CTNNA2: variants seen among roughly 807,000 people sequenced by gnomAD.
CTNNA2 encodes catenin alpha-2.
A neutral mutation model predicts 101.0 loss-of-function variants in CTNNA2; 42 were observed. That is an observed-to-expected ratio of 0.42 (90% CI 0.32 to 0.54). The LOEUF is 0.54. Among genes scored for constraint, CTNNA2 ranks in the 20% least tolerant of loss-of-function variants. The pLI, the probability that CTNNA2 is intolerant of heterozygous loss-of-function variation, is 0.14. For synonymous variants in CTNNA2, 450 were observed against 456.4 expected (o/e 0.99, Z 0.18); for missense variants, 871 against 1,223.1 (o/e 0.71, Z 4.29).
At chr2:80,073,019 GAATC>G (rs749662223) in intron 7 of CTNNA2, among the ~76,000 whole-genome samples, 5 of 152,120 alleles carry the variant, frequency 3.3e-5, no homozygotes, top group Admixed American at 6.5e-5. Context: ...TTTCATATTT[GAATC>G]AATCAAAGTG....
chr2:79,694,896 C>T (rs1684551340), intron 2 of CTNNA2, among the ~76,000 whole-genome samples: 1 of 151,798 alleles, frequency 6.6e-6, no homozygotes, highest in African/African-American at 2.4e-5. Context: ...GTGAATTCTT[C>T]GGTGATTCAT....
chr2:79,417,286 T>A (rs1456637091), intron 4 of CTNNA2, among the ~76,000 whole-genome samples: 1 of 152,126 alleles, frequency 6.6e-6, no homozygotes, highest in African/African-American at 2.4e-5. Context: ...GAAGTTCTCA[T>A]CTCAGCCCAG....
At chr2:79,249,080 G>A (rs754241927) in intron 2 of CTNNA2, among the ~76,000 whole-genome samples, 3 of 152,140 alleles carry the variant, frequency 2.0e-5, no homozygotes, top group Non-Finnish European at 4.4e-5. Flanking sequence ...AATTAGCTGT[G>A]AATCCTTGGA....
intron 15 of CTNNA2, among the ~76,000 whole-genome samples, chr2:80,600,861 C>A (rs1697432995): frequency 6.6e-6 from 1 of 152,086 alleles, no homozygotes. Context: ...GTGTGAGGCA[C>A]CTGTCAGTAT....
chr2:80,037,943 G>T (rs116168555), intron 7 of CTNNA2, among the ~76,000 whole-genome samples: 1 of 152,092 alleles, frequency 6.6e-6, no homozygotes, highest in Non-Finnish European at 1.5e-5. Context: ...TATAGTAAAT[G>T]TTCATTAAAT....
intron 8 of CTNNA2, among the ~76,000 whole-genome samples, chr2:80,418,263 G>A (rs1284956653): frequency 6.6e-6 from 1 of 152,158 alleles, no homozygotes; most frequent in African/African-American, 2.4e-5. Context: ...TGAAGAACTA[G>A]TATAAGAATC....
Position 79,229,747 on chromosome 2 carries a change from A to G in CTNNA2, c.-406+31671A>G, listed in dbSNP as rs542888766. On this transcript the variant is annotated intron_variant, in intron 2 of 21. Coordinates refer to the CTNNA2 transcript ENST00000466387. The stretch of plus-strand genomic sequence containing the variant: ...TATGGGAAAGTTTGGAATTTCCTAG[A>G]GACTTGTTGAATGGCTTTGCCCAAA... Among the ~76,000 whole-genome samples the G allele has an allele frequency of 3.9e-5, 6 of 152,346 alleles. No individual in the cohort carries two copies. In the South Asian group the frequency reaches 1.0e-3, roughly 26 times the overall value.
intron 3 of CTNNA2, among the ~76,000 whole-genome samples, chr2:79,817,194 A>G (rs896814405): frequency 6.6e-6 from 1 of 150,924 alleles, no homozygotes; most frequent in African/African-American, 2.4e-5. Context: ...CCCTACCACA[A>G]CCTCACAACA....
chr2:79,958,321 C>A (rs959435865), intron 7 of CTNNA2, among the ~76,000 whole-genome samples: 2 of 151,386 alleles, frequency 1.3e-5, no homozygotes, highest in Non-Finnish European at 2.9e-5. Flanking sequence ...GAGTATGTTA[C>A]AGAAATCTTC....
At chr2:79,557,279 T>C (rs543902223) in intron 1 of CTNNA2, among the ~76,000 whole-genome samples, 1 of 152,106 alleles carries the variant, frequency 6.6e-6, no homozygotes, top group African/African-American at 2.4e-5. Flanking sequence ...CTCTTAATTC[T>C]GATGTATGCA....
intron 3 of CTNNA2, among the ~76,000 whole-genome samples, chr2:79,854,323 A>G (rs537371743): frequency 6.6e-6 from 1 of 152,354 alleles, no homozygotes; most frequent in African/African-American, 2.4e-5. Flanking sequence ...TTAATGAATA[A>G]TGATCACCCG....
chr2:80,187,796 C>A (rs1706227167), intron 7 of CTNNA2, among the ~76,000 whole-genome samples: 1 of 151,548 alleles, frequency 6.6e-6, no homozygotes, highest in Non-Finnish European at 1.5e-5. Context: ...TGAATGTCTA[C>A]ATCTCTGAGA....
intron 7 of CTNNA2, among the ~76,000 whole-genome samples, chr2:80,202,326 G>A (rs1195866454): frequency 6.6e-6 from 1 of 152,192 alleles, no homozygotes; most frequent in Non-Finnish European, 1.5e-5. Context: ...TCTGAAAGGA[G>A]AGGCCGACAC....
chr2:80,393,592 G>A (rs1476026552), intron 8 of CTNNA2, among the ~76,000 whole-genome samples: 1 of 152,090 alleles, frequency 6.6e-6, no homozygotes, highest in Non-Finnish European at 1.5e-5. Context: ...TCCAAATCCA[G>A]GTATGCCAAG....
chr2:80,077,692 C>G (rs1698852857), intron 7 of CTNNA2, among the ~76,000 whole-genome samples: 1 of 151,892 alleles, frequency 6.6e-6, no homozygotes, highest in Admixed American at 6.6e-5. Context: ...AAGCCAGTCT[C>G]AAAAGAATAT....
chr2:79,977,445 C>A (rs1464508572), intron 7 of CTNNA2, among the ~76,000 whole-genome samples: 1 of 152,020 alleles, frequency 6.6e-6, no homozygotes, highest in Admixed American at 6.6e-5. Flanking sequence ...ACAGGACAGC[C>A]CCCACCACGA....
intron 2 of CTNNA2, among the ~76,000 whole-genome samples, chr2:79,290,093 G>C (rs1675755303): frequency 6.6e-6 from 1 of 152,148 alleles, no homozygotes. Flanking sequence ...CTAAGAGTGA[G>C]AGACTCCTTA....
rs935948612 is a variant in CTNNA2, at chr2:80,237,609, T to C, written c.1057-155602T>C. 2.4e-4 allele frequency among the ~76,000 whole-genome samples: 37 copies of C among 152,252 alleles called. No individual in the cohort carries two copies. In the Middle Eastern group the frequency reaches 0.017, roughly 70 times the overall value. On this transcript the variant is annotated intron_variant, in intron 7 of 18. Transcript: ENST00000402739. The stretch of plus-strand genomic sequence containing the variant: ...AGGCCTTCACAGTGGAAGGGGCTAG[T>C]GAGACTGGATGCCAGAGGAAGCACC...
chr2:79,233,854 G>A (rs1278881201), intron 2 of CTNNA2, among the ~76,000 whole-genome samples: 1 of 151,716 alleles, frequency 6.6e-6, no homozygotes, highest in African/African-American at 2.4e-5. Context: ...TATTTTATAT[G>A]GTATAAGAAT....
Sources: allele counts gnomAD v4.1 joint callset (sites outside exome capture counted in the v4.1 genomes callset), GRCh38; gene constraint gnomAD v4.1.1; transcripts MANE v1.5; gene names NCBI Gene and HGNC (gene_info 2026-07-23, HGNC 2026-07-21).